Variants in SPA17 observed in about 807,000 individuals in gnomAD.
SPA17 encodes the protein sperm surface protein Sp17.
SPA17 carries 7 observed loss-of-function variants against 13.8 expected under a neutral mutation model. The ratio of observed to expected loss-of-function variants is 0.51; its 90% CI spans 0.29 to 0.95. The LOEUF is 0.95. Ranked by LOEUF, SPA17 falls within the 40% of genes least tolerant of loss-of-function variation. The pLI, the probability that SPA17 is intolerant of heterozygous loss-of-function variation, is 0.08. For missense variants in SPA17, 170 were observed against 179.3 expected (o/e 0.95, Z 0.30); for synonymous variants, 61 against 59.0 (o/e 1.03, Z -0.16).
At chr11:124,688,018 T>C (rs929435807) in intron 3 of SPA17, among the ~76,000 whole-genome samples, 2 of 152,108 alleles carry the variant, frequency 1.3e-5, no homozygotes, top group African/African-American at 4.8e-5. Context: ...GATATATATA[T>C]GTATATATAT....
chr11:124,685,005 A>G (rs191267654), intron 3 of SPA17, among the ~76,000 whole-genome samples: 1 of 152,350 alleles, frequency 6.6e-6, no homozygotes, highest in African/African-American at 2.4e-5. Flanking sequence ...TAGAAAGAAA[A>G]CCCCATTTTC....
Position 124,681,374 on chromosome 11 carries a change from A to G in SPA17, c.155-15A>G. The G allele has an allele frequency of 1.9e-6, 3 of 1,562,266 alleles. No individual in the cohort carries two copies. The highest frequency in any genetic ancestry group is 2.6e-6 in the Non-Finnish European group (3 of 1,148,344). On this transcript the variant is annotated splice_polypyrimidine_tract_variant and intron_variant, in intron 2 of 4. Transcript: ENST00000227135. ...ATTCAAATAAATCTGAAGTTCTTAT[A>G]TTTTTATTATTTAGAAACCAACTTT...
At chr11:124,681,605 A>AG in intron 3 of SPA17, 146 bp downstream of exon 3, 1 of 294,646 alleles carries the variant, frequency 3.4e-6, no homozygotes, top group Non-Finnish European at 6.1e-6. Flanking sequence ...AAATTTAATA[A>AG]ATCTTATTTT....
In SPA17 at chr11:124,691,256, T is replaced by G. The variant is rs565673716; in HGVS notation, c.226-440T>G. Among the ~76,000 whole-genome samples, 138 of 152,308 alleles carry G rather than the reference T, an allele frequency of 9.1e-4. No individual in the cohort carries two copies. In the South Asian group the frequency reaches 9.3e-3, roughly 10 times the overall value. On this transcript the variant is annotated intron_variant, in intron 3 of 4. Transcript: ENST00000227135. ...AACTTACTTCTCTGACTAGTTTTAA[T>G]CCATAAACGTCACTAAAAAGTCAAT...
At chr11:124,676,980 A>G (rs1042107853) in intron 2 of SPA17, among the ~76,000 whole-genome samples, 5 of 152,206 alleles carry the variant, frequency 3.3e-5, no homozygotes, top group Admixed American at 2.6e-4. Context: ...ATTAACTACA[A>G]ATTCTTGCAG....
At chr11:124,685,670 C>A (rs1316022545) in intron 3 of SPA17, among the ~76,000 whole-genome samples, 1 of 152,202 alleles carries the variant, frequency 6.6e-6, no homozygotes, top group African/African-American at 2.4e-5. Flanking sequence ...CCCTGCAAAG[C>A]CACAGAGATA....
At chr11:124,683,978 T>C (rs1406559730) in intron 3 of SPA17, among the ~76,000 whole-genome samples, 2 of 152,136 alleles carry the variant, frequency 1.3e-5, no homozygotes, top group Non-Finnish European at 2.9e-5. Context: ...CCCACCCAAA[T>C]CTCATCTTGA....
At chr11:124,682,635 C>CT (rs1943539328) in intron 3 of SPA17, among the ~76,000 whole-genome samples, 1 of 151,862 alleles carries the variant, frequency 6.6e-6, no homozygotes, top group African/African-American at 2.4e-5. Context: ...ATAGACTAGA[C>CT]TAAGTGGAAC....
chr11:124,678,670 C>G (rs1158999654), intron 2 of SPA17, among the ~76,000 whole-genome samples: 2 of 152,006 alleles, frequency 1.3e-5, no homozygotes, highest in Non-Finnish European at 2.9e-5. Context: ...CTTCAGCCTC[C>G]CAAGTAGTTG....
chr11:124,690,556 A>G (rs2134418180), intron 3 of SPA17, among the ~76,000 whole-genome samples: 1 of 152,344 alleles, frequency 6.6e-6, no homozygotes, highest in East Asian at 1.9e-4. Context: ...AAAAGCCCTG[A>G]CTTGATCACC....
intron 3 of SPA17, among the ~76,000 whole-genome samples, chr11:124,686,056 A>G (rs1336472635): frequency 6.6e-6 from 1 of 152,186 alleles, no homozygotes; most frequent in Non-Finnish European, 1.5e-5. Context: ...ATGTGAGAGC[A>G]TGAGATTTGG....
chr11:124,690,225 A>G (rs1345413351), intron 3 of SPA17, among the ~76,000 whole-genome samples: 2 of 152,240 alleles, frequency 1.3e-5, no homozygotes, highest in African/African-American at 4.8e-5. Flanking sequence ...TATCTGTCCA[A>G]TGGATGAATG....
Position 124,694,631 on chromosome 11 carries a change from TC to T in SPA17, c.*186del. 1.4e-6 allele frequency: 1 copy of T among 701,730 alleles called. No individual in the cohort carries two copies. Among genetic ancestry groups the T allele is most frequent in the Non-Finnish European group, 2.2e-6 (1 of 448,054 alleles). 43.5% of individuals were successfully genotyped at this position (701,730 alleles called of 1,614,324 possible). ...CATTGAAACATGCCACTTGAAGATT[TC>T]TCTGAGATCATGAGTTTGTTTACAC... On this transcript the variant is annotated 3_prime_UTR_variant, in exon 5 of 5. Transcript: ENST00000227135.
At chr11:124,687,900 C>T (rs1358390037) in intron 3 of SPA17, among the ~76,000 whole-genome samples, 3 of 152,028 alleles carry the variant, frequency 2.0e-5, no homozygotes, top group Non-Finnish European at 4.4e-5. Context: ...CATTTTCACC[C>T]GTCCTATTCA....
At chr11:124,677,137 T>C (rs1158964552) in intron 2 of SPA17, among the ~76,000 whole-genome samples, 2 of 152,140 alleles carry the variant, frequency 1.3e-5, no homozygotes, top group African/African-American at 2.4e-5. Context: ...TAATAAACAA[T>C]GGGTAAAACC....
chr11:124,678,640 A>G (rs1441850789), intron 2 of SPA17, among the ~76,000 whole-genome samples: 1 of 152,026 alleles, frequency 6.6e-6, no homozygotes, highest in African/African-American at 2.4e-5. Context: ...GCAACCTCCC[A>G]GGCTCAAGCA....
In SPA17 at chr11:124,694,439, A is replaced by C. The variant is rs1378075037; in HGVS notation, c.449A>C (p.Asn150Thr). ...NSLQNEEKEE[N>T]K ...CTTCAAAATGAGGAAAAAGAGGAAA[A>C]CAAGTGAGGACACTGGTTTTACCTC... Residue 150 changes from asparagine to threonine, a missense_variant, in exon 5 of 5, where the codon AAC becomes ACC. Coordinates refer to ENST00000227135, the MANE Select transcript of SPA17 (RefSeq NM_017425.4). 7 of 1,609,114 alleles carry C rather than the reference A, an allele frequency of 4.4e-6. No homozygotes were observed. In the East Asian group the frequency reaches 8.9e-5, roughly 21 times the overall value.
intron 4 of SPA17, among the ~76,000 whole-genome samples, chr11:124,693,725 G>C (rs1027634171): frequency 1.3e-5 from 2 of 152,106 alleles, no homozygotes; most frequent in Admixed American, 6.5e-5. Context: ...GCATTTTACT[G>C]TCTGTAAATT....
chr11:124,686,389 G>C (rs966045893), intron 3 of SPA17, among the ~76,000 whole-genome samples: 1 of 152,136 alleles, frequency 6.6e-6, no homozygotes, highest in Admixed American at 6.5e-5. Context: ...AACACTGTGA[G>C]AATGGACTGA....
Sources: gnomAD v4.1 joint callset for allele counts (sites outside exome capture counted in the v4.1 genomes callset) on GRCh38, gnomAD v4.1.1 for gene constraint, MANE v1.5 for transcripts, NCBI Gene and HGNC (gene_info 2026-07-23, HGNC 2026-07-21) for gene names.